The following ENTREP2 variants were observed in gnomAD, a reference collection of about 807,000 sequenced individuals.
ENTREP2 encodes the protein endosomal transmembrane epsin interactor 2, also known as protein ENTREP2.
At chr15:29,373,801 A>G in the ENTREP2 span, 43 of 152,204 alleles carry the variant, frequency 2.8e-4, no homozygotes, top group African/African-American at 9.6e-4. Context: ...CTAATTGCTT[A>G]CATGTTAATA....
At chr15:29,499,699 C>G in the ENTREP2 span, among the ~76,000 whole-genome samples, 1 of 152,074 alleles carries the variant, frequency 6.6e-6, no homozygotes, top group Non-Finnish European at 1.5e-5. Context: ...TGATAACATA[C>G]AAAAACTCTA....
chr15:29,202,577 T>G, the ENTREP2 span, among the ~76,000 whole-genome samples: 1 of 152,118 alleles, frequency 6.6e-6, no homozygotes, highest in Non-Finnish European at 1.5e-5. Flanking sequence ...CGTCAACCCA[T>G]CATCTAGGTT....
chr15:29,406,251 A>AT, the ENTREP2 span, among the ~76,000 whole-genome samples: 1 of 152,184 alleles, frequency 6.6e-6, no homozygotes, highest in Non-Finnish European at 1.5e-5. Context: ...TGAAAAATAT[A>AT]TTTTTTAACA....
At chr15:29,197,410 C>T in the ENTREP2 span, among the ~76,000 whole-genome samples, 1 of 152,134 alleles carries the variant, frequency 6.6e-6, no homozygotes, top group Non-Finnish European at 1.5e-5. Context: ...GGGTAACATA[C>T]TGAGACTCTG....
the ENTREP2 span, among the ~76,000 whole-genome samples, chr15:29,145,278 C>CA: frequency 6.6e-6 from 1 of 152,188 alleles, no homozygotes; most frequent in South Asian, 2.1e-4. Context: ...ATGGTCATCT[C>CA]AATAGATGCA....
At chr15:29,405,911 A>T in the ENTREP2 span, among the ~76,000 whole-genome samples, 1 of 152,220 alleles carries the variant, frequency 6.6e-6, no homozygotes, top group Admixed American at 6.5e-5. Context: ...CCTTTATTTT[A>T]TAACCAAAAC....
chr15:29,563,894 C>T, the ENTREP2 span, among the ~76,000 whole-genome samples: 1 of 151,312 alleles, frequency 6.6e-6, no homozygotes, highest in Non-Finnish European at 1.5e-5. Flanking sequence ...ATTCATACTA[C>T]TCTTAGGAAA....
chr15:29,646,629 A>T, the ENTREP2 span, among the ~76,000 whole-genome samples: 1 of 152,202 alleles, frequency 6.6e-6, no homozygotes, highest in African/African-American at 2.4e-5. Flanking sequence ...TCACACAGAT[A>T]ATCTCACAGG....
At chr15:29,458,388 G>T in the ENTREP2 span, among the ~76,000 whole-genome samples, 2 of 152,074 alleles carry the variant, frequency 1.3e-5, no homozygotes, top group Non-Finnish European at 2.9e-5. Flanking sequence ...ACACTATCAG[G>T]AATAATGTTT....
the ENTREP2 span, among the ~76,000 whole-genome samples, chr15:29,306,602 A>G: frequency 6.9e-6 from 1 of 145,534 alleles, no homozygotes; most frequent in African/African-American, 2.5e-5. Context: ...CACTTGTTTC[A>G]TATTTTTTCT....
At chr15:29,212,876 C>T in the ENTREP2 span, among the ~76,000 whole-genome samples, 1 of 152,128 alleles carries the variant, frequency 6.6e-6, no homozygotes, top group Non-Finnish European at 1.5e-5. Flanking sequence ...ATGCCTATGT[C>T]CTGAATAGTA....
chr15:29,482,826 A>C, the ENTREP2 span, among the ~76,000 whole-genome samples: 2 of 152,230 alleles, frequency 1.3e-5, no homozygotes, highest in African/African-American at 4.8e-5. Context: ...TTGTAGGGCC[A>C]TAAGTTTTTA....
chr15:29,351,649 T>A, the ENTREP2 span, among the ~76,000 whole-genome samples: 1 of 152,184 alleles, frequency 6.6e-6, no homozygotes, highest in Non-Finnish European at 1.5e-5. Context: ...TTTATTTATT[T>A]TATTTTATTT....
At chr15:29,160,385 G>A in the ENTREP2 span, among the ~76,000 whole-genome samples, 2 of 152,140 alleles carry the variant, frequency 1.3e-5, no homozygotes, top group African/African-American at 4.8e-5. Context: ...CCAGGCAGAG[G>A]AGGCACCGAG....
chr15:29,203,695 T>TA, the ENTREP2 span, among the ~76,000 whole-genome samples: 1 of 152,222 alleles, frequency 6.6e-6, no homozygotes, highest in East Asian at 1.9e-4. Flanking sequence ...CACTAAAACT[T>TA]ACTCCAATCT....
the ENTREP2 span, chr15:29,234,531 T>C: frequency 7.3e-7 from 1 of 1,375,750 alleles, no homozygotes; most frequent in Non-Finnish European, 1.0e-6. Flanking sequence ...TAATATGGTA[T>C]TGGTGGGCAA....
At chr15:29,129,127 G>A in the ENTREP2 span, among the ~76,000 whole-genome samples, 4,566 of 152,070 alleles carry the variant, frequency 0.03, 256 homozygotes, top group African/African-American at 0.11. Flanking sequence ...GCAATGGCAC[G>A]ATCTCAGCTC....
chr15:29,565,968 AAAAG>A, the ENTREP2 span, among the ~76,000 whole-genome samples: 4 of 151,568 alleles, frequency 2.6e-5, no homozygotes, highest in Non-Finnish European at 5.9e-5. Context: ...CTCAAAAAAA[AAAAG>A]AAAGAAAAGA....
At chr15:29,307,673 T>C in the ENTREP2 span, among the ~76,000 whole-genome samples, 1 of 152,078 alleles carries the variant, frequency 6.6e-6, no homozygotes, top group Admixed American at 6.5e-5. Context: ...AAGGGTAGGG[T>C]CCTGACCCAC....
Sources: allele counts gnomAD v4.1 joint callset (sites outside exome capture counted in the v4.1 genomes callset), GRCh38; gene constraint gnomAD v4.1.1; transcripts MANE v1.5; gene names NCBI Gene and HGNC (gene_info 2026-07-23, HGNC 2026-07-21).